The following HAPSTR1 variants were observed in gnomAD, a reference collection of about 807,000 sequenced individuals.
HAPSTR1 encodes the protein HUWE1-associated protein modifying stress responses 1.
chr16:9,118,372 C>CA, the HAPSTR1 span: 1 of 152,602 alleles, frequency 6.6e-6, no homozygotes, highest in African/African-American at 2.4e-5. Flanking sequence ...TTAAAGTTTG[C>CA]AATTTCTTCA....
the HAPSTR1 span, among the ~76,000 whole-genome samples, chr16:9,099,663 T>G: frequency 6.6e-6 from 1 of 152,250 alleles, no homozygotes; most frequent in Non-Finnish European, 1.5e-5. Flanking sequence ...GCTTCTGTGC[T>G]GTTTTTCTGG....
At chr16:9,105,912 T>C in the HAPSTR1 span, 1 of 152,202 alleles carries the variant, frequency 6.6e-6, no homozygotes, top group Non-Finnish European at 1.5e-5. Flanking sequence ...TCAGTTTTTT[T>C]CCCCTTCCTT....
chr16:9,096,772 C>G, the HAPSTR1 span, among the ~76,000 whole-genome samples: 4 of 151,982 alleles, frequency 2.6e-5, no homozygotes, highest in African/African-American at 4.8e-5. Context: ...CCTGTAATCC[C>G]AGCACTTTGG....
the HAPSTR1 span, chr16:9,105,586 T>G: frequency 1.8e-4 from 28 of 152,244 alleles, no homozygotes; most frequent in African/African-American, 6.3e-4. Flanking sequence ...CTGGGTGTCC[T>G]TATTATCTGA....
the HAPSTR1 span, chr16:9,108,818 T>A: frequency 1.3e-5 from 2 of 152,292 alleles, no homozygotes; most frequent in East Asian, 1.9e-4. Flanking sequence ...GTCTCCTTTG[T>A]GAAAGGTGAT....
At chr16:9,116,651 T>G in the HAPSTR1 span, 1 of 1,606,194 alleles carries the variant, frequency 6.2e-7, no homozygotes, top group Non-Finnish European at 8.5e-7. Flanking sequence ...CTCTAAAACC[T>G]TTTTTCTTCT....
At chr16:9,117,586 G>A in the HAPSTR1 span, 1 of 152,782 alleles carries the variant, frequency 6.5e-6, no homozygotes, top group Admixed American at 6.5e-5. Context: ...TAAAGTAGCA[G>A]TATTATTATT....
the HAPSTR1 span, chr16:9,108,362 T>C: frequency 6.6e-6 from 1 of 152,120 alleles, no homozygotes; most frequent in East Asian, 1.9e-4. Flanking sequence ...GATTTTTTAT[T>C]TTCTGTAGAG....
At chr16:9,119,211 C>T in the HAPSTR1 span, 1 of 152,300 alleles carries the variant, frequency 6.6e-6, no homozygotes, top group Non-Finnish European at 1.5e-5. Context: ...TGAAGCTCAG[C>T]AGTAGAAGCG....
At chr16:9,110,158 C>T in the HAPSTR1 span, 3 of 133,808 alleles carry the variant, frequency 2.2e-5, no homozygotes, top group African/African-American at 2.8e-5. Context: ...CTGGGTTCTC[C>T]TTTTTTTTTT....
At chr16:9,104,043 A>T in the HAPSTR1 span, 2 of 152,162 alleles carry the variant, frequency 1.3e-5, no homozygotes, top group African/African-American at 2.4e-5. Context: ...CTTGCTTGAA[A>T]CCATGATGGA....
chr16:9,093,063 C>A, the HAPSTR1 span: 1 of 1,477,660 alleles, frequency 6.8e-7, no homozygotes, highest in Non-Finnish European at 9.3e-7. Flanking sequence ...GGGTGTCTGC[C>A]CTGCGTTCCA....
At chr16:9,113,695 AAC>A in the HAPSTR1 span, among the ~76,000 whole-genome samples, 1 of 152,228 alleles carries the variant, frequency 6.6e-6, no homozygotes, top group Admixed American at 6.5e-5. Flanking sequence ...TGGATTATGA[AAC>A]AAGTACGAAA....
chr16:9,100,464 T>G, the HAPSTR1 span, among the ~76,000 whole-genome samples: 15 of 152,252 alleles, frequency 9.9e-5, no homozygotes, highest in African/African-American at 3.6e-4. Flanking sequence ...CTTTTGGCCC[T>G]TGAGTTTTGT....
At chr16:9,103,283 T>C in the HAPSTR1 span, 1 of 1,598,074 alleles carries the variant, frequency 6.3e-7, no homozygotes. Context: ...AACATATTTC[T>C]TTGGAAAAAT....
At chr16:9,101,570 T>G in the HAPSTR1 span, among the ~76,000 whole-genome samples, 66 of 152,334 alleles carry the variant, frequency 4.3e-4, no homozygotes, top group East Asian at 0.012. Flanking sequence ...GATTATTTTT[T>G]TAAGAGAAAA....
chr16:9,103,206 G>A, the HAPSTR1 span: 4 of 1,614,026 alleles, frequency 2.5e-6, no homozygotes, highest in Non-Finnish European at 3.4e-6. Flanking sequence ...ACGGAAACTA[G>A]CTCATCTGTA....
At chr16:9,100,366 T>C in the HAPSTR1 span, among the ~76,000 whole-genome samples, 288 of 152,294 alleles carry the variant, frequency 1.9e-3, 2 homozygotes, top group South Asian at 0.021. Context: ...GTTGGACTTC[T>C]TGTGTCTTCA....
the HAPSTR1 span, among the ~76,000 whole-genome samples, chr16:9,098,484 C>A: frequency 6.6e-6 from 1 of 152,170 alleles, no homozygotes; most frequent in South Asian, 2.1e-4. Context: ...TTTATTTTGG[C>A]TGTGACTTAG....
Sources: gnomAD v4.1 joint callset for allele counts (sites outside exome capture counted in the v4.1 genomes callset) on GRCh38, gnomAD v4.1.1 for gene constraint, MANE v1.5 for transcripts, NCBI Gene and HGNC (gene_info 2026-07-23, HGNC 2026-07-21) for gene names.